The following ANK3 variants were observed in gnomAD, a reference collection of about 807,000 sequenced individuals.
The protein encoded by ANK3 is ankyrin 3.
Under a neutral mutation model 370.9 loss-of-function variants are expected in ANK3, and 57 were observed. The ratio of observed to expected loss-of-function variants is 0.15; its 90% confidence interval spans 0.12 to 0.19. The LOEUF is 0.19. Ranked by LOEUF, ANK3 falls within the 10% of genes least tolerant of loss-of-function variation. ANK3 has a pLI of 1.00. For missense variants in ANK3, 4,439 were observed against 5,302.1 expected (o/e 0.84, Z 5.06); for synonymous variants, 1,929 against 1,946.3 (o/e 0.99, Z 0.23).
At chr10:60,080,013 G>A (rs556917910) in intron 36 of ANK3, among the ~76,000 whole-genome samples, 7 of 152,028 alleles carry the variant, frequency 4.6e-5, no homozygotes, top group African/African-American at 1.7e-4. Flanking sequence ...GGAAGTGAGA[G>A]GGAGGGAGGG....
intron 1 of ANK3, among the ~76,000 whole-genome samples, chr10:60,702,362 T>A (rs2079556376): frequency 6.6e-6 from 1 of 152,036 alleles, no homozygotes; most frequent in African/African-American, 2.4e-5. Context: ...CTCTATATCC[T>A]AAGTGAGATA....
intron 29 of ANK3, 112 bp downstream of exon 29, chr10:60,088,035 A>G: frequency 3.7e-6 from 3 of 815,588 alleles, no homozygotes; most frequent in South Asian, 3.3e-5. Flanking sequence ...GATTCCCCAA[A>G]CGGCCTAATT....
chr10:60,384,930 C>T (rs2062042906), intron 1 of ANK3, among the ~76,000 whole-genome samples: 1 of 152,172 alleles, frequency 6.6e-6, no homozygotes. Context: ...ACCCCCTCTC[C>T]ACTGGCATAG....
intron 2 of ANK3, among the ~76,000 whole-genome samples, chr10:60,501,878 G>A (rs1417446765): frequency 6.6e-6 from 1 of 151,976 alleles, no homozygotes; most frequent in Non-Finnish European, 1.5e-5. Flanking sequence ...TCTAGCTACT[G>A]GGGAGGCTGA....
In ANK3 at chr10:60,480,519, C is replaced by CA. The variant is rs986891739; in HGVS notation, c.96+134666dup. Among the ~76,000 whole-genome samples the CA allele has an allele frequency of 3.5e-4, 51 of 147,714 alleles. 1 individual carries two copies. The highest frequency in any genetic ancestry group is 6.2e-4 in the African/African-American group (25 of 40,330). ...ACAAAACTGATTGTTGGTCAATTTC[C>CA]AAAAAAAAAATCAAGTCAATATATT... On this transcript the variant is annotated intron_variant, in intron 2 of 43. Coordinates refer to the ANK3 transcript ENST00000373827.
chr10:60,552,575 T>C (rs950340036), intron 2 of ANK3, among the ~76,000 whole-genome samples: 14 of 152,260 alleles, frequency 9.2e-5, no homozygotes, highest in African/African-American at 3.1e-4. Context: ...GTATCAGTCA[T>C]GAACTCTCAA....
intron 1 of ANK3, among the ~76,000 whole-genome samples, chr10:60,624,015 G>C (rs757855536): frequency 6.6e-6 from 1 of 151,986 alleles, no homozygotes; most frequent in Non-Finnish European, 1.5e-5. Flanking sequence ...GAGTACACAT[G>C]GACACAAAGA....
chr10:60,050,319 C>T (rs191734633), intron 42 of ANK3, among the ~76,000 whole-genome samples: 2 of 152,266 alleles, frequency 1.3e-5, no homozygotes, highest in African/African-American at 2.4e-5. Context: ...TGCAGGATAA[C>T]TCAAAATTTA....
chr10:60,504,490 C>T (rs1028419905), intron 2 of ANK3, among the ~76,000 whole-genome samples: 1 of 152,024 alleles, frequency 6.6e-6, no homozygotes, highest in Non-Finnish European at 1.5e-5. Flanking sequence ...TTTTTCCCCC[C>T]CAGAATGTAA....
chr10:60,569,446 G>C (rs905133516), intron 2 of ANK3, among the ~76,000 whole-genome samples: 2 of 152,026 alleles, frequency 1.3e-5, no homozygotes, highest in African/African-American at 4.8e-5. Context: ...GAGCACCCAG[G>C]TCTCTTCAAG....
chr10:60,700,534 TG>T (rs1049376988), intron 1 of ANK3, among the ~76,000 whole-genome samples: 7 of 152,132 alleles, frequency 4.6e-5, no homozygotes, highest in Non-Finnish European at 1.0e-4. Context: ...CAAAAGAAGA[TG>T]GGGCAGAGGT....
chr10:60,420,850 T>C (rs2063763579), intron 2 of ANK3, among the ~76,000 whole-genome samples: 1 of 152,126 alleles, frequency 6.6e-6, no homozygotes, highest in Non-Finnish European at 1.5e-5. Flanking sequence ...ATTGCACTGC[T>C]AGATATATAT....
intron 1 of ANK3, among the ~76,000 whole-genome samples, chr10:60,711,307 A>G (rs1023266029): frequency 6.6e-6 from 1 of 152,168 alleles, no homozygotes; most frequent in Non-Finnish European, 1.5e-5. Flanking sequence ...CTGTATCAAA[A>G]CATCTCATGA....
At chr10:60,168,749 G>A (rs1203559305) in intron 21 of ANK3, among the ~76,000 whole-genome samples, 2 of 151,898 alleles carry the variant, frequency 1.3e-5, no homozygotes, top group Non-Finnish European at 2.9e-5. Context: ...CTGTGTCCAC[G>A]TGGTCTTATT....
In ANK3 at chr10:60,420,411, A is replaced by T. The variant is rs909602413; in HGVS notation, c.97-140772T>A. The stretch of plus-strand genomic sequence containing the variant: ...TTACAGTCTAGCTGAAGAGAGAAGG[A>T]GCTTTATGAATAAGCATCAGAAGAG... On this transcript the variant is annotated intron_variant, in intron 2 of 43. Transcript: ENST00000373827. Among the ~76,000 whole-genome samples, 6 of 152,070 alleles carry T rather than the reference A, an allele frequency of 3.9e-5. No individual in the cohort carries two copies. In the East Asian group the frequency reaches 1.2e-3, roughly 29 times the overall value.
At chr10:60,197,695 G>T (rs1307154706) in intron 14 of ANK3, among the ~76,000 whole-genome samples, 1 of 152,162 alleles carries the variant, frequency 6.6e-6, no homozygotes, top group East Asian at 1.9e-4. Flanking sequence ...AAAGAGTGCA[G>T]TACCAGTTAC....
intron 1 of ANK3, among the ~76,000 whole-genome samples, chr10:60,303,066 A>T (rs984011276): frequency 5.3e-5 from 8 of 152,244 alleles, no homozygotes; most frequent in Non-Finnish European, 8.8e-5. Context: ...CTCAAAATGG[A>T]TTACAGGCTT....
chr10:60,212,300 T>C (rs1184937164), intron 9 of ANK3, among the ~76,000 whole-genome samples: 4 of 152,068 alleles, frequency 2.6e-5, no homozygotes, highest in Non-Finnish European at 4.4e-5. Context: ...ACAGTTTATA[T>C]GGCCACTCTG....
intron 2 of ANK3, among the ~76,000 whole-genome samples, chr10:60,492,706 C>CA (rs764367710): frequency 0.013 from 729 of 57,332 alleles, 8 homozygotes; most frequent in East Asian, 0.05. Context: ...GACTCTGTCT[C>CA]AAAAAAAAAA....
Sources: allele counts gnomAD v4.1 joint callset (sites outside exome capture counted in the v4.1 genomes callset), GRCh38; gene constraint gnomAD v4.1.1; transcripts MANE v1.5; gene names NCBI Gene and HGNC (gene_info 2026-07-23, HGNC 2026-07-21).